Variants in MRPL15 observed in about 807,000 individuals in gnomAD.
MRPL15 encodes large ribosomal subunit protein uL15m.
MRPL15 carries 24 observed loss-of-function variants against 28.0 expected under a neutral mutation model. The observed-to-expected ratio is 0.86, with a 90% CI of 0.62 to 1.21. The LOEUF (loss-of-function observed/expected upper bound fraction) is 1.21. Ranked by LOEUF, MRPL15 falls within the 50% of genes most tolerant of loss-of-function variation. The pLI is 0.00. For synonymous variants in MRPL15, 124 were observed against 137.0 expected (o/e 0.90, Z 0.66); for missense variants, 343 against 372.4 (o/e 0.92, Z 0.65).
intron 1 of MRPL15, 77 bp downstream of exon 1, chr8:54,135,468 G>A: frequency 8.2e-7 from 1 of 1,224,532 alleles, no homozygotes; most frequent in Non-Finnish European, 1.1e-6. Flanking sequence ...CTGTCATTAG[G>A]AGAACTGCCC....
In MRPL15 at chr8:54,137,128, A is replaced by T. The variant is rs543895337; in HGVS notation, c.264-140A>T. The T allele has an allele frequency of 3.1e-4, 243 of 795,020 alleles. 2 individuals carry two copies. The highest frequency in any genetic ancestry group is 4.4e-4 in the Non-Finnish European group (219 of 501,342). 49.2% of individuals were successfully genotyped at this position (795,020 alleles called of 1,614,324 possible). On this transcript the variant is annotated intron_variant, in intron 2 of 4. Transcript: ENST00000260102. ...TCATTACCCAAAATCAAGCAGTATT[A>T]CATGTTTGTGTTACACTCAAGAGGG...
rs538079520 is a variant in MRPL15 at position 54,137,302 on chromosome 8, A to G, written c.298A>G (p.Arg100Gly). The G allele has an allele frequency of 6.2e-7, 1 of 1,614,006 alleles. No individual in the cohort carries two copies. Among genetic ancestry groups the G allele is most frequent in the East Asian group, 2.2e-5 (1 of 44,868 alleles). Residue 100 changes from arginine (R) to glycine (G), a missense_variant, in exon 3 of 5, where the codon AGA (arginine) becomes GGA (glycine). Physicochemically the swap from Arg to Gly is moderately radical, Grantham distance 125. Coordinates refer to ENST00000260102, the MANE Select transcript of MRPL15 (RefSeq NM_014175.4). The stretch of plus-strand genomic sequence containing the variant: ...CCAGTATAAGCCTTTGAGTCTCAAT[A>G]GACTGCAGTATCTTATTGATTTGGG... ...RRQYKPLSLN[R>G]LQYLIDLGRV...
At position 54,147,464 on chromosome 8, in the gene MRPL15, A is replaced by G. The variant is rs766100168; in HGVS notation, c.636A>G (p.Pro212=). The G allele has an allele frequency of 3.1e-6, 5 of 1,614,206 alleles. No individual in the cohort carries two copies. The South Asian group carries it at 3.3e-5, about 11-fold the overall frequency. Residue 212 remains proline, a synonymous_variant, in exon 5 of 5, where the codon CCA becomes CCG. Coordinates refer to ENST00000260102, the MANE Select transcript of MRPL15 (RefSeq NM_014175.4). The stretch of plus-strand genomic sequence containing the variant: ...TGCTTCCACCAGAAGAACTGGTACC[A>G]TATTACACTGATGCAAAGAACCGTG... ...KRMLPPEELV[P]YYTDAKNRGY...
intron 3 of MRPL15, 121 bp downstream of exon 3, chr8:54,137,554 A>G (rs777823760): frequency 3.5e-6 from 3 of 863,984 alleles, no homozygotes; most frequent in Non-Finnish European, 5.3e-6. Flanking sequence ...CCTCCACCTC[A>G]CAAGTTCAAG....
chr8:54,146,605 A>G (rs1179285402), intron 4 of MRPL15, among the ~76,000 whole-genome samples: 1 of 152,162 alleles, frequency 6.6e-6, no homozygotes, highest in East Asian at 1.9e-4. Context: ...CATATGTACT[A>G]TTATTTTGAG....
chr8:54,136,692 C>G (rs1275206180), intron 2 of MRPL15, 27 bp downstream of exon 2: 1 of 1,577,986 alleles, frequency 6.3e-7, no homozygotes, highest in Non-Finnish European at 8.6e-7. Context: ...TTTTAAAGTA[C>G]AGGTCCCCAA....
rs760581611 is a variant in MRPL15, at chr8:54,147,646, G to A, written c.818G>A (p.Trp273Ter). 6.2e-7 allele frequency: 1 copy of A among 1,614,162 alleles called. No individual in the cohort carries two copies. The highest frequency in any genetic ancestry group is 8.5e-7 in the Non-Finnish European group (1 of 1,180,032). ...ATTTTCTTTGGTCTTGCTCCAGGATGGGTGGTGAATATGGCCGATAAGAAA... is the reference window on the plus strand; with the variant it reads ...ATTTTCTTTGGTCTTGCTCCAGGATAGGTGGTGAATATGGCCGATAAGAAA... ...RQIFFGLAPGWVVNMADKKIL... is the reference protein window; with the variant it reads ...RQIFFGLAPG The change falls in exon 5 of 5, where the codon TGG becomes TAG. Residue 273 changes from tryptophan (W) to a stop codon, truncating the protein, a stop_gained. Transcript: ENST00000260102. LOFTEE classifies it high-confidence loss of function.
At chr8:54,142,808 TTTC>T (rs1331770049) in intron 4 of MRPL15, 22 bp downstream of exon 4, 1 of 1,610,234 alleles carries the variant, frequency 6.2e-7, no homozygotes, top group South Asian at 1.1e-5. Flanking sequence ...CCACGGTCAT[TTTC>T]TTCTTTCTCT....
Position 54,147,467 on chromosome 8 carries a change from T to G in MRPL15, c.639T>G (p.Tyr213Ter). 1 of 1,614,204 alleles carries G rather than the reference T, an allele frequency of 6.2e-7. No individual in the cohort carries two copies. Among genetic ancestry groups the G allele is most frequent in the Non-Finnish European group, 8.5e-7 (1 of 1,180,024 alleles). Residue 213 changes from tyrosine to a stop codon, truncating the protein, a stop_gained, in exon 5 of 5, where the codon TAT becomes TAG. Coordinates refer to ENST00000260102, the MANE Select transcript of MRPL15 (RefSeq NM_014175.4). LOFTEE classifies it high-confidence loss of function. ...TTCCACCAGAAGAACTGGTACCATA[T>G]TACACTGATGCAAAGAACCGTGGGT... ...RMLPPEELVP[Y>*]YTDAKNRGYL...
chr8:54,142,822 C>G, intron 4 of MRPL15, 36 bp downstream of exon 4: 1 of 1,609,974 alleles, frequency 6.2e-7, no homozygotes, highest in Non-Finnish European at 8.5e-7. Context: ...TTCTTTCTCT[C>G]TTTGTCTCAT....
In MRPL15 at chr8:54,137,351, T is replaced by C. The variant is rs1215112716; in HGVS notation, c.347T>C (p.Ile116Thr). ...DLGRVDPSQPIDLTQLVNGRG... is the reference protein window; with the variant it reads ...DLGRVDPSQPTDLTQLVNGRG... ...GGTCGTGTTGATCCTAGTCAACCTA[T>C]TGACTTAACCCAGCTTGTCAATGGG... Residue 116 changes from isoleucine (I) to threonine (T), a missense_variant, in exon 3 of 5, where the codon ATT becomes ACT. Transcript: ENST00000260102. The C allele has an allele frequency of 1.2e-6, 2 of 1,614,140 alleles. No homozygotes were observed. Among genetic ancestry groups the C allele is most frequent in the Non-Finnish European group, 8.5e-7 (1 of 1,179,998 alleles).
At chr8:54,143,770 C>T (rs1479411408) in intron 4 of MRPL15, among the ~76,000 whole-genome samples, 1 of 152,188 alleles carries the variant, frequency 6.6e-6, no homozygotes, top group Non-Finnish European at 1.5e-5. Context: ...TCCCCTGCTC[C>T]CTCCATTCCC....
chr8:54,135,502 A>G, intron 1 of MRPL15, 111 bp downstream of exon 1: 1 of 829,736 alleles, frequency 1.2e-6, no homozygotes, highest in Non-Finnish European at 1.8e-6. Context: ...GTTGGGATGA[A>G]AATAGGATTG....
At chr8:54,137,547 C>G in intron 3 of MRPL15, 114 bp downstream of exon 3, 1 of 917,604 alleles carries the variant, frequency 1.1e-6, no homozygotes. Flanking sequence ...CCTGCAACCT[C>G]CACCTCACAA....
chr8:54,147,576 G>T lies in MRPL15; in HGVS notation c.748G>T (p.Asp250Tyr), dbSNP rs774673038. The T allele has an allele frequency of 2.5e-5, 40 of 1,614,042 alleles. No homozygotes were observed. The highest frequency in any genetic ancestry group is 3.2e-5 in the Non-Finnish European group (38 of 1,180,054). ...YGYILPDITK[D>Y]ELFKMLCTRK... ...TTATATCTTACCTGATATCACTAAA[G>T]ATGAACTCTTCAAAATGCTCTGTAC... The change falls in exon 5 of 5, where the codon GAT becomes TAT. Residue 250 changes from aspartate to tyrosine, a missense_variant. Asp to Tyr is a radical substitution (Grantham distance 160). Coordinates refer to ENST00000260102, the MANE Select transcript of MRPL15 (RefSeq NM_014175.4).
At chr8:54,142,242 C>T (rs185415001) in intron 3 of MRPL15, among the ~76,000 whole-genome samples, 43 of 152,234 alleles carry the variant, frequency 2.8e-4, no homozygotes, top group Non-Finnish European at 5.4e-4. Context: ...GCAACCTTCC[C>T]CTCCCGGGTT....
At chr8:54,136,450 G>C (rs1475006386) in intron 1 of MRPL15, 61 bp from the exon 2 acceptor site, 15 of 1,550,706 alleles carry the variant, frequency 9.7e-6, no homozygotes, top group Non-Finnish European at 1.3e-5. Flanking sequence ...AAAGTGAAGA[G>C]CTGAAATGCA....
chr8:54,136,000 T>A (rs1301990494), intron 1 of MRPL15, among the ~76,000 whole-genome samples: 7 of 152,352 alleles, frequency 4.6e-5, no homozygotes, highest in African/African-American at 1.7e-4. Flanking sequence ...CTTCTGCAGT[T>A]GACTAAATAG....
At chr8:54,135,436 G>A (rs1006819874) in intron 1 of MRPL15, 45 bp downstream of exon 1, 4 of 1,476,804 alleles carry the variant, frequency 2.7e-6, no homozygotes, top group Non-Finnish European at 3.6e-6. Flanking sequence ...GGACCCGGGC[G>A]ATGAAAGCGG....
Sources: gnomAD v4.1 joint callset for allele counts (sites outside exome capture counted in the v4.1 genomes callset) on GRCh38, gnomAD v4.1.1 for gene constraint, MANE v1.5 for transcripts, NCBI Gene and HGNC (gene_info 2026-07-23, HGNC 2026-07-21) for gene names.